Variants in UBAC2 observed in about 807,000 individuals in gnomAD.
The protein encoded by UBAC2 is ubiquitin-associated domain-containing protein 2.
A neutral mutation model predicts 44.0 loss-of-function variants in UBAC2; 26 were observed. That is an observed-to-expected ratio of 0.59 (90% CI 0.43 to 0.82). UBAC2 has a LOEUF of 0.82. UBAC2 is among the 40% of genes least tolerant of loss of function. The probability of loss-of-function intolerance (pLI) is 0.00; values close to 1 mark genes in which losing one functional copy is unlikely to be tolerated. For synonymous variants in UBAC2, 155 were observed against 154.3 expected (o/e 1.00, Z -0.04); for missense variants, 329 against 419.4 (o/e 0.78, Z 1.88).
intron 7 of UBAC2, among the ~76,000 whole-genome samples, chr13:99,349,145 G>C (rs2045038208): frequency 1.3e-5 from 2 of 152,146 alleles, no homozygotes; most frequent in Non-Finnish European, 2.9e-5. Flanking sequence ...TCAATTACTG[G>C]AGTCTCCTGT....
At chr13:99,260,807 A>G (rs551329397) in intron 4 of UBAC2, among the ~76,000 whole-genome samples, 18 of 152,156 alleles carry the variant, frequency 1.2e-4, no homozygotes, top group Non-Finnish European at 2.2e-4. Context: ...TGAAGGAGAA[A>G]TGTTTCACTT....
intron 4 of UBAC2, among the ~76,000 whole-genome samples, chr13:99,303,841 G>A (rs2044291443): frequency 6.6e-6 from 1 of 152,096 alleles, no homozygotes. Flanking sequence ...TCGGTCATTC[G>A]CTCAGGGATC....
At chr13:99,351,145 A>AT (rs1441303549) in intron 7 of UBAC2, among the ~76,000 whole-genome samples, 14 of 152,340 alleles carry the variant, frequency 9.2e-5, no homozygotes, top group African/African-American at 3.1e-4. Flanking sequence ...GTCATTGGGG[A>AT]TAAAAAAAAT....
chr13:99,256,403 A>T (rs1409287094), intron 4 of UBAC2: 2 of 152,284 alleles, frequency 1.3e-5, no homozygotes, highest in Non-Finnish European at 2.9e-5. Flanking sequence ...CAAGAACTAG[A>T]CTGTTAGAGC....
intron 7 of UBAC2, among the ~76,000 whole-genome samples, chr13:99,358,710 G>T (rs943779797): frequency 6.6e-6 from 1 of 152,208 alleles, no homozygotes; most frequent in Non-Finnish European, 1.5e-5. Context: ...ACACGGGGCA[G>T]TGAGAGTGAG....
At chr13:99,278,780 A>G (rs58403451) in intron 4 of UBAC2, among the ~76,000 whole-genome samples, 1,785 of 152,304 alleles carry the variant, frequency 0.012, 40 homozygotes, top group African/African-American at 0.042. Flanking sequence ...TTTTACTGGT[A>G]CGAAAACATT....
At chr13:99,299,517 A>G (rs997665626) in intron 4 of UBAC2, among the ~76,000 whole-genome samples, 2 of 152,114 alleles carry the variant, frequency 1.3e-5, no homozygotes, top group African/African-American at 2.4e-5. Context: ...TGTATGAGTA[A>G]TTTTGGGGCT....
At chr13:99,281,858 TGCA>T (rs2138686315) in intron 4 of UBAC2, among the ~76,000 whole-genome samples, 1 of 152,298 alleles carries the variant, frequency 6.6e-6, no homozygotes, top group Non-Finnish European at 1.5e-5. Context: ...CTTTTAACAC[TGCA>T]GGAATTTCAA....
Position 99,200,872 on chromosome 13 carries a change from C to T in UBAC2, c.-37C>T. 1.5e-6 allele frequency: 2 copies of T among 1,292,924 alleles called. No homozygotes were observed. The highest frequency in any genetic ancestry group is 3.0e-5 in the East Asian group (1 of 33,622). 80.1% of individuals were successfully genotyped at this position (1,292,924 alleles called of 1,614,324 possible). On this transcript the variant is annotated 5_prime_UTR_variant, in exon 1 of 9. Coordinates refer to ENST00000403766, the MANE Select transcript of UBAC2 (RefSeq NM_001144072.2). ...GGGGCTCGCACTTCAGCTTCCCCTC[C>T]CCCGGCGCCCTCTGGGGCTCCGAGC...
chr13:99,378,318 G>C (rs1218850248), intron 8 of UBAC2, among the ~76,000 whole-genome samples: 1 of 152,150 alleles, frequency 6.6e-6, no homozygotes, highest in Non-Finnish European at 1.5e-5. Context: ...CTTGAGGTCA[G>C]GAGTTCGAGA....
intron 4 of UBAC2, chr13:99,256,220 T>C (rs1227495222): frequency 5.9e-6 from 1 of 170,160 alleles, no homozygotes; most frequent in East Asian, 1.6e-4. Context: ...TCTACTTTGC[T>C]AAAAAACTCT....
At chr13:99,332,945 T>C (rs949828448) in intron 6 of UBAC2, among the ~76,000 whole-genome samples, 4 of 152,000 alleles carry the variant, frequency 2.6e-5, no homozygotes, top group Non-Finnish European at 4.4e-5. Flanking sequence ...TCAGAAGACC[T>C]AGTGTAAAAA....
intron 4 of UBAC2, among the ~76,000 whole-genome samples, chr13:99,301,224 A>G (rs764615078): frequency 3.9e-5 from 6 of 152,214 alleles, no homozygotes; most frequent in Non-Finnish European, 8.8e-5. Context: ...GGCATGGATA[A>G]TGACTGGGCC....
chr13:99,350,289 A>G (rs912769795), intron 7 of UBAC2, among the ~76,000 whole-genome samples: 1 of 152,110 alleles, frequency 6.6e-6, no homozygotes, highest in African/African-American at 2.4e-5. Context: ...GCCCACAGTG[A>G]GAAGTGTCTT....
intron 1 of UBAC2, among the ~76,000 whole-genome samples, chr13:99,204,990 G>A (rs981972925): frequency 7.2e-6 from 1 of 138,162 alleles, no homozygotes; most frequent in Non-Finnish European, 1.5e-5. Flanking sequence ...TGCAACCTCT[G>A]CCTCCTGGGT....
At position 99,212,927 on chromosome 13, in the gene UBAC2, GA is replaced by G. The variant is rs2042950295; in HGVS notation, c.31+11993del. ...CCTTATTACAAAACTGAAACATGCT[GA>G]AAAAGTTCAAAAATTATACAAATAT... On this transcript the variant is annotated intron_variant, in intron 1 of 8. Transcript: ENST00000403766. 2.0e-5 allele frequency among the ~76,000 whole-genome samples: 3 copies of G among 152,132 alleles called. No individual in the cohort carries two copies. In the South Asian group the frequency reaches 6.2e-4, roughly 32 times the overall value.
chr13:99,202,869 A>G (rs1172430198), intron 1 of UBAC2, among the ~76,000 whole-genome samples: 1 of 152,160 alleles, frequency 6.6e-6, no homozygotes, highest in African/African-American at 2.4e-5. Context: ...CTGGGAATGC[A>G]GCAACGAACA....
chr13:99,207,583 C>T (rs1396031089), intron 1 of UBAC2, among the ~76,000 whole-genome samples: 1 of 152,204 alleles, frequency 6.6e-6, no homozygotes, highest in African/African-American at 2.4e-5. Context: ...TTCCGTCCCG[C>T]TATACCATTG....
intron 4 of UBAC2, among the ~76,000 whole-genome samples, chr13:99,286,788 G>A: frequency 6.6e-6 from 1 of 152,092 alleles, no homozygotes; most frequent in East Asian, 1.9e-4. Context: ...TTATTCTTAG[G>A]ACTCCTTGAA....
Sources: gnomAD v4.1 joint callset for allele counts (sites outside exome capture counted in the v4.1 genomes callset) on GRCh38, gnomAD v4.1.1 for gene constraint, MANE v1.5 for transcripts, NCBI Gene and HGNC (gene_info 2026-07-23, HGNC 2026-07-21) for gene names.